Variants in PKD1L3 observed in about 807,000 individuals in gnomAD.
PKD1L3 encodes the protein polycystin 1 like 3, transient receptor potential channel interacting.
PKD1L3 carries 239 observed loss-of-function variants against 184.1 expected under a neutral mutation model. The observed-to-expected ratio is 1.30, with a 90% CI of 1.17 to 1.45. The LOEUF (loss-of-function observed/expected upper bound fraction) is 1.45. PKD1L3 is among the 40% of genes most tolerant of loss of function. The pLI, the probability that PKD1L3 is intolerant of heterozygous loss-of-function variation, is 0.00. For missense variants in PKD1L3, 2,660 were observed against 2,067.2 expected, an observed-to-expected ratio of 1.29 and a Z score of -5.56; for synonymous variants, 996 against 778.8, an observed-to-expected ratio of 1.28 and a Z score of -4.64.
chr16:71,993,405 C>T (rs2040667518), intron 2 of PKD1L3, 73 bp from the exon 3 acceptor site: 1 of 940,214 alleles, frequency 1.1e-6, no homozygotes, highest in South Asian at 1.7e-5. Context: ...ACCATCATTA[C>T]ATGCACGTAT....
At chr16:71,959,558 A>G (rs1251034073) in intron 16 of PKD1L3, among the ~76,000 whole-genome samples, 3 of 152,248 alleles carry the variant, frequency 2.0e-5, no homozygotes, top group East Asian at 1.9e-4. Flanking sequence ...TGGTAAAACC[A>G]TAACACTAGA....
At position 71,986,355 on chromosome 16, in the gene PKD1L3, G is replaced by GTA; in HGVS notation, c.699_700insTA (p.Gln234TyrfsTer48). ...GTGACAGACACGGGCATGGTGAGCT[G>GTA]TGTTATCACAGGGAGAGGCTGGCTG... On this transcript the variant is annotated frameshift_variant, in exon 5 of 30. Coordinates refer to ENST00000620267, the MANE Select transcript of PKD1L3 (RefSeq NM_181536.2). LOFTEE classifies it high-confidence loss of function. The GTA allele has an allele frequency of 6.4e-7, 1 of 1,551,136 alleles. No homozygotes were observed. The highest frequency in any genetic ancestry group is 8.7e-7 in the Non-Finnish European group (1 of 1,146,468).
intron 27 of PKD1L3, 54 bp downstream of exon 27, chr16:71,933,861 C>G: frequency 5.2e-6 from 8 of 1,524,574 alleles, no homozygotes; most frequent in South Asian, 1.2e-5. Flanking sequence ...GGAAGCGATG[C>G]GATTCCAAGA....
intron 15 of PKD1L3, 72 bp from the exon 16 acceptor site, chr16:71,963,423 C>T (rs2039363409): frequency 7.2e-7 from 1 of 1,394,630 alleles, no homozygotes; most frequent in Non-Finnish European, 9.6e-7. Context: ...GACGTAATCT[C>T]AGACCATTAG....
chr16:71,931,808 A>G (rs2143087957), intron 28 of PKD1L3, among the ~76,000 whole-genome samples: 1 of 152,238 alleles, frequency 6.6e-6, no homozygotes, highest in Middle Eastern at 3.4e-3. Context: ...CATAAACCCT[A>G]TATACATCTC....
intron 2 of PKD1L3, among the ~76,000 whole-genome samples, chr16:71,995,069 C>G (rs2040736889): frequency 6.6e-6 from 1 of 152,128 alleles, no homozygotes; most frequent in East Asian, 1.9e-4. Context: ...CTACCACAAA[C>G]AGGGTAATTT....
In PKD1L3 at chr16:72,000,085, T is replaced by C; in HGVS notation, c.-107A>G. The stretch of plus-strand genomic sequence containing the variant: ...TTATTAGTATTATTCTTTTATGAAT[T>C]GGGAACAATTTACCAAGGATACAAA... On this transcript the variant is annotated 5_prime_UTR_variant, in exon 1 of 30. Coordinates refer to ENST00000620267, the MANE Select transcript of PKD1L3 (RefSeq NM_181536.2). 2.1e-6 allele frequency: 2 copies of C among 966,652 alleles called. No homozygotes were observed. The highest frequency in any genetic ancestry group is 1.4e-6 in the Non-Finnish European group (1 of 697,128). 59.9% of individuals were successfully genotyped at this position (966,652 alleles called of 1,614,324 possible). A position where few individuals can be genotyped will look rare whatever the true frequency, so the allele number is the denominator to read the frequency against.
At chr16:71,977,125 A>G in intron 11 of PKD1L3, 111 bp downstream of exon 11, 1 of 793,390 alleles carries the variant, frequency 1.3e-6, no homozygotes, top group South Asian at 1.7e-5. Context: ...AGGCAGGAGG[A>G]TCCCCTGAGC....
chr16:71,998,841 T>C (rs1006932833), intron 1 of PKD1L3, among the ~76,000 whole-genome samples: 1 of 152,224 alleles, frequency 6.6e-6, no homozygotes, highest in South Asian at 2.1e-4. Flanking sequence ...TACATTATAG[T>C]TTATTTTTTC....
chr16:71,934,143 GAC>G lies in PKD1L3; in HGVS notation c.4614-20_4614-19del, dbSNP rs926831601. On this transcript the variant is annotated intron_variant, in intron 26 of 29. Transcript: ENST00000620267. ...TGATGAATCTGCACCAAGGAAAGCTGACAGTTACTCAGCAAGAAGTATGTGCC... is the reference window on the plus strand; with the variant it reads ...TGATGAATCTGCACCAAGGAAAGCTGAGTTACTCAGCAAGAAGTATGTGCC... The G allele has an allele frequency of 3.9e-6, 6 of 1,550,732 alleles. No homozygotes were observed. The highest frequency in any genetic ancestry group is 5.2e-6 in the Non-Finnish European group (6 of 1,146,464).
intron 16 of PKD1L3, among the ~76,000 whole-genome samples, chr16:71,960,541 T>TA (rs376645479): frequency 0.043 from 6,083 of 140,114 alleles, 359 homozygotes; most frequent in African/African-American, 0.15. Context: ...ACCTATATAA[T>TA]AAAAAAAAAA....
chr16:71,978,439 C>T (rs1456274797), intron 9 of PKD1L3, 56 bp from the exon 10 acceptor site: 3 of 1,469,022 alleles, frequency 2.0e-6, no homozygotes, highest in East Asian at 5.3e-5. Flanking sequence ...TTAAGTGACC[C>T]CACTAGAAAG....
chr16:71,998,487 G>C, intron 1 of PKD1L3, 93 bp from the exon 2 acceptor site: 1 of 1,449,296 alleles, frequency 6.9e-7, no homozygotes, highest in South Asian at 1.4e-5. Context: ...GTCCCACTCA[G>C]TCACCCAAGC....
At chr16:71,939,126 C>A (rs2038276774) in intron 24 of PKD1L3, among the ~76,000 whole-genome samples, 1 of 152,222 alleles carries the variant, frequency 6.6e-6, no homozygotes, top group African/African-American at 2.4e-5. Context: ...TTACCCACAG[C>A]AGAAACCACA....
chr16:71,957,274 A>G (rs2039083672), intron 16 of PKD1L3, among the ~76,000 whole-genome samples: 2 of 152,188 alleles, frequency 1.3e-5, no homozygotes, highest in South Asian at 4.1e-4. Flanking sequence ...ATTAAAAAAA[A>G]GGCAGTGATA....
At chr16:71,998,908 G>A (rs189060551) in intron 1 of PKD1L3, among the ~76,000 whole-genome samples, 1 of 152,278 alleles carries the variant, frequency 6.6e-6, no homozygotes, top group Admixed American at 6.5e-5. Flanking sequence ...TAATGAAGAT[G>A]ATGAGAATGA....
intron 19 of PKD1L3, among the ~76,000 whole-genome samples, chr16:71,950,709 T>C (rs993884182): frequency 1.3e-5 from 2 of 149,618 alleles, no homozygotes; most frequent in Admixed American, 1.4e-4. Flanking sequence ...GTGGGTATAA[T>C]ACAGAAAACT....
intron 4 of PKD1L3, among the ~76,000 whole-genome samples, chr16:71,989,944 G>A (rs769667666): frequency 7.2e-5 from 11 of 151,834 alleles, no homozygotes; most frequent in Admixed American, 1.3e-4. Context: ...GTGTGGTGGC[G>A]CAGGCCTGTA....
chr16:71,958,261 C>A (rs1243124620), intron 16 of PKD1L3, among the ~76,000 whole-genome samples: 1 of 150,776 alleles, frequency 6.6e-6, no homozygotes, highest in East Asian at 2.0e-4. Flanking sequence ...GTGGCGGGCG[C>A]CTGTAGTCCC....
Sources: allele counts gnomAD v4.1 joint callset (sites outside exome capture counted in the v4.1 genomes callset), GRCh38; gene constraint gnomAD v4.1.1; transcripts MANE v1.5; gene names NCBI Gene and HGNC (gene_info 2026-07-23, HGNC 2026-07-21).